OTOA: variants seen among roughly 807,000 people sequenced by gnomAD.
OTOA encodes the protein otoancorin.
A neutral mutation model predicts 110.8 loss-of-function variants in OTOA; 70 were observed. That is an observed-to-expected ratio of 0.63 (90% CI 0.52 to 0.77). The LOEUF is 0.77. Among genes scored for constraint, OTOA ranks in the 30% least tolerant of loss-of-function variants. The pLI is 0.00. For missense variants in OTOA, 917 were observed against 1,075.8 expected (o/e 0.85, Z 2.06); for synonymous variants, 373 against 431.5 (o/e 0.86, Z 1.68).
At chr16:21,718,366 G>A (rs1898621268) in intron 15 of OTOA, among the ~76,000 whole-genome samples, 1 of 152,102 alleles carries the variant, frequency 6.6e-6, no homozygotes, top group African/African-American at 2.4e-5. Context: ...GAAGACCATG[G>A]GAGGGTCCCA....
At chr16:21,718,223 C>A (rs1435578846) in intron 15 of OTOA, among the ~76,000 whole-genome samples, 1 of 152,078 alleles carries the variant, frequency 6.6e-6, no homozygotes, top group Non-Finnish European at 1.5e-5. Context: ...CTCCCAAAGT[C>A]CTGGGATTAC....
At chr16:21,665,051 T>G (rs1255574988) in intron 1 of OTOA, among the ~76,000 whole-genome samples, 1 of 152,122 alleles carries the variant, frequency 6.6e-6, no homozygotes, top group Non-Finnish European at 1.5e-5. Context: ...CAGGGAGGTA[T>G]GAGTGCCATG....
chr16:21,696,443 T>A (rs1897942628), intron 9 of OTOA, among the ~76,000 whole-genome samples: 1 of 152,050 alleles, frequency 6.6e-6, no homozygotes, highest in Admixed American at 6.6e-5. Context: ...ATTTGGAGAA[T>A]GTTTTGGGGA....
At chr16:21,675,892 T>G (rs1567361545) in intron 1 of OTOA, among the ~76,000 whole-genome samples, 1 of 152,208 alleles carries the variant, frequency 6.6e-6, no homozygotes, top group Non-Finnish European at 1.5e-5. Flanking sequence ...AGCCATATTT[T>G]CCTGCTTCCT....
In OTOA at chr16:21,723,011, A is replaced by C. The variant is rs184283710; in HGVS notation, c.1880+33A>C. Reference sequence around the variant, plus strand: ...AACATCAGCCCCCACCTTCTGGCTCATCAGTGAGATCGGTGGGAATCACTG... The same window carrying C: ...AACATCAGCCCCCACCTTCTGGCTCCTCAGTGAGATCGGTGGGAATCACTG... On this transcript the variant is annotated intron_variant, in intron 18 of 28. Coordinates refer to ENST00000646100, the MANE Select transcript of OTOA (RefSeq NM_144672.4). 6.9e-6 allele frequency: 11 copies of C among 1,600,960 alleles called. No homozygotes were observed. The Admixed American group carries it at 1.2e-4, about 17-fold the overall frequency.
At chr16:21,673,450 T>G (rs1370575163) in intron 1 of OTOA, among the ~76,000 whole-genome samples, 1 of 152,208 alleles carries the variant, frequency 6.6e-6, no homozygotes, top group Non-Finnish European at 1.5e-5. Context: ...GCCTCTTTCA[T>G]GCATCCCTTG....
chr16:21,719,023 A>G (rs998588517), intron 15 of OTOA, 110 bp from the exon 16 acceptor site: 41 of 1,111,110 alleles, frequency 3.7e-5, no homozygotes, highest in Non-Finnish European at 5.4e-5. Context: ...TTAAGCCTCC[A>G]TTTCCCCATC....
intron 16 of OTOA, 59 bp from the exon 17 acceptor site, chr16:21,719,328 C>T: frequency 1.3e-6 from 2 of 1,573,230 alleles, no homozygotes; most frequent in Non-Finnish European, 1.7e-6. Context: ...TTCTCTCGCT[C>T]TTTCTTTCCT....
chr16:21,758,996 C>T (rs1010083615), intron 28 of OTOA, among the ~76,000 whole-genome samples: 1 of 151,570 alleles, frequency 6.6e-6, no homozygotes, highest in African/African-American at 2.4e-5. Flanking sequence ...AGCAAAACTC[C>T]ATCACAAACA....
At chr16:21,692,970 T>C (rs1897863243) in intron 9 of OTOA, among the ~76,000 whole-genome samples, 1 of 139,964 alleles carries the variant, frequency 7.1e-6, no homozygotes. Context: ...AAAAGAAAAT[T>C]GGGGCCAAGT....
At chr16:21,691,723 G>T (rs1304655278) in intron 9 of OTOA, 36 bp downstream of exon 9, 10 of 1,535,666 alleles carry the variant, frequency 6.5e-6, no homozygotes, top group African/African-American at 1.4e-5. Context: ...CACTTTTTGG[G>T]GGAAGAATAT....
intron 13 of OTOA, 146 bp downstream of exon 13, chr16:21,710,249 C>T (rs1898315812): frequency 1.1e-6 from 1 of 943,950 alleles, no homozygotes; most frequent in Non-Finnish European, 1.6e-6. Context: ...CTGGGAAGTC[C>T]AACATCGAGG....
chr16:21,692,942 A>AAAG (rs1555497704), intron 9 of OTOA, among the ~76,000 whole-genome samples: 90 of 148,762 alleles, frequency 6.0e-4, no homozygotes, highest in East Asian at 2.7e-3. Flanking sequence ...AAAAAAAAAA[A>AAAG]AAAGAAAGAA....
chr16:21,702,293 G>A (rs987054255), intron 11 of OTOA, among the ~76,000 whole-genome samples: 2 of 152,068 alleles, frequency 1.3e-5, no homozygotes, highest in African/African-American at 4.8e-5. Flanking sequence ...TCTTATTATT[G>A]CCACACTGCT....
At chr16:21,717,585 T>A (rs937278038) in intron 15 of OTOA, among the ~76,000 whole-genome samples, 10 of 152,204 alleles carry the variant, frequency 6.6e-5, no homozygotes, top group Admixed American at 3.3e-4. Flanking sequence ...CACTGATACA[T>A]GCCACCTGGG....
chr16:21,712,481 T>C (rs572586664), intron 13 of OTOA, among the ~76,000 whole-genome samples: 2 of 151,910 alleles, frequency 1.3e-5, no homozygotes, highest in East Asian at 3.9e-4. Flanking sequence ...GAGGTGAAGA[T>C]GTTGAAAATG....
intron 13 of OTOA, among the ~76,000 whole-genome samples, chr16:21,713,504 C>T (rs896835030): frequency 1.3e-5 from 2 of 152,154 alleles, no homozygotes; most frequent in Non-Finnish European, 2.9e-5. Context: ...TGAACACTTA[C>T]TATGTGCCAG....
intron 5 of OTOA, among the ~76,000 whole-genome samples, chr16:21,679,436 T>C (rs900380772): frequency 2.0e-5 from 3 of 152,078 alleles, no homozygotes; most frequent in Admixed American, 6.6e-5. Context: ...AGTTTCGCTC[T>C]TGTTGCCCAG....
intron 19 of OTOA, 117 bp downstream of exon 19, chr16:21,726,775 G>T (rs1898932021): frequency 7.1e-7 from 1 of 1,411,760 alleles, no homozygotes; most frequent in South Asian, 1.2e-5. Context: ...AAGTCTGACT[G>T]GTGGGTCTTG....
Sources: gnomAD v4.1 joint callset for allele counts (sites outside exome capture counted in the v4.1 genomes callset) on GRCh38, gnomAD v4.1.1 for gene constraint, MANE v1.5 for transcripts, NCBI Gene and HGNC (gene_info 2026-07-23, HGNC 2026-07-21) for gene names.